The following GMDS variants were observed in gnomAD, a reference collection of about 807,000 sequenced individuals.
GMDS encodes the protein GDP-mannose 4,6-dehydratase.
A neutral mutation model predicts 49.9 loss-of-function variants in GMDS; 20 were observed. The observed-to-expected ratio is 0.40, with a 90% CI of 0.28 to 0.58. The LOEUF (loss-of-function observed/expected upper bound fraction) is 0.58. Ranked by LOEUF, GMDS falls within the 20% of genes least tolerant of loss-of-function variation. The pLI is 0.42. For missense variants in GMDS, 362 were observed against 481.4 expected, an observed-to-expected ratio of 0.75 and a Z score of 2.32; for synonymous variants, 177 against 178.6, an observed-to-expected ratio of 0.99 and a Z score of 0.07.
intron 4 of GMDS, among the ~76,000 whole-genome samples, chr6:1,962,666 G>C (rs1406149956): frequency 6.6e-6 from 1 of 151,814 alleles, no homozygotes; most frequent in Non-Finnish European, 1.5e-5. Flanking sequence ...ATGCTTATCA[G>C]CCATTTGTAT....
intron 7 of GMDS, among the ~76,000 whole-genome samples, chr6:1,764,095 A>T (rs79507370): frequency 1.4e-4 from 21 of 150,388 alleles, no homozygotes; most frequent in Admixed American, 1.1e-3. Context: ...AGGAGCGAAG[A>T]AAAAAAAAAG....
At chr6:2,036,068 T>C (rs1304116168) in intron 4 of GMDS, among the ~76,000 whole-genome samples, 1 of 152,170 alleles carries the variant, frequency 6.6e-6, no homozygotes, top group Non-Finnish European at 1.5e-5. Flanking sequence ...CAGCCGTCAT[T>C]TATTGCACCT....
At chr6:1,923,356 G>A (rs1761824589) in intron 7 of GMDS, among the ~76,000 whole-genome samples, 1 of 152,174 alleles carries the variant, frequency 6.6e-6, no homozygotes, top group Non-Finnish European at 1.5e-5. Flanking sequence ...TCCACGTGAC[G>A]AGGCAAAGGA....
chr6:1,670,556 G>A (rs1054088356), intron 9 of GMDS, among the ~76,000 whole-genome samples: 12 of 151,946 alleles, frequency 7.9e-5, no homozygotes, highest in African/African-American at 2.2e-4. Context: ...TATCTACACC[G>A]GGATAAGACA....
At chr6:2,011,072 G>A (rs1462977881) in intron 4 of GMDS, among the ~76,000 whole-genome samples, 1 of 151,974 alleles carries the variant, frequency 6.6e-6, no homozygotes, top group Non-Finnish European at 1.5e-5. Context: ...AAAAGACGGG[G>A]GAAAGGATCC....
chr6:1,664,512 C>T (rs1029089225), intron 9 of GMDS, among the ~76,000 whole-genome samples: 2 of 152,210 alleles, frequency 1.3e-5, no homozygotes, highest in African/African-American at 4.8e-5. Flanking sequence ...GTCCTGTTCT[C>T]CCTAGAGTCC....
At chr6:2,208,467 C>T (rs1350878662) in intron 1 of GMDS, among the ~76,000 whole-genome samples, 1 of 152,146 alleles carries the variant, frequency 6.6e-6, no homozygotes, top group African/African-American at 2.4e-5. Context: ...TATTTCTGAT[C>T]GCCAGTCCAT....
intron 1 of GMDS, among the ~76,000 whole-genome samples, chr6:2,161,689 A>T (rs1338577888): frequency 6.6e-6 from 1 of 152,260 alleles, no homozygotes; most frequent in Admixed American, 6.5e-5. Context: ...TCTAGGACAG[A>T]ACAAGGACCT....
chr6:1,794,743 G>A (rs903846827), intron 7 of GMDS, among the ~76,000 whole-genome samples: 4 of 152,088 alleles, frequency 2.6e-5, no homozygotes, highest in Non-Finnish European at 4.4e-5. Flanking sequence ...TGTACTATTC[G>A]GGACACGTCA....
intron 7 of GMDS, among the ~76,000 whole-genome samples, chr6:1,837,716 C>T (rs1232606906): frequency 6.6e-6 from 1 of 152,106 alleles, no homozygotes; most frequent in Non-Finnish European, 1.5e-5. Flanking sequence ...AGCGAAGGCA[C>T]GATATTCTTT....
At chr6:1,987,498 G>A (rs1310726871) in intron 4 of GMDS, among the ~76,000 whole-genome samples, 3 of 152,070 alleles carry the variant, frequency 2.0e-5, no homozygotes, top group African/African-American at 7.2e-5. Flanking sequence ...AACACCTAAG[G>A]CCCTGGAACT....
chr6:1,639,286 A>G (rs1156376913), intron 9 of GMDS, among the ~76,000 whole-genome samples: 1 of 152,212 alleles, frequency 6.6e-6, no homozygotes, highest in East Asian at 1.9e-4. Context: ...TGGAAGGATT[A>G]AGCTACCTTC....
chr6:1,741,944 T>C (rs1245348445), intron 8 of GMDS, among the ~76,000 whole-genome samples: 2 of 146,516 alleles, frequency 1.4e-5, no homozygotes, highest in Non-Finnish European at 3.0e-5. Context: ...TTTTTTGAGA[T>C]GGAGTCTTGC....
chr6:1,936,723 T>A (rs1345560958), intron 6 of GMDS, among the ~76,000 whole-genome samples: 1 of 152,086 alleles, frequency 6.6e-6, no homozygotes, highest in East Asian at 1.9e-4. Flanking sequence ...TCCCAACACT[T>A]TGGGAGGCTG....
chr6:2,187,746 T>C (rs560128791), intron 1 of GMDS, among the ~76,000 whole-genome samples: 3 of 152,210 alleles, frequency 2.0e-5, no homozygotes, highest in South Asian at 2.1e-4. Flanking sequence ...CAACAGACAA[T>C]AGAAAAATAG....
intron 4 of GMDS, among the ~76,000 whole-genome samples, chr6:1,988,620 T>C (rs1338574497): frequency 1.3e-5 from 2 of 152,204 alleles, no homozygotes; most frequent in African/African-American, 4.8e-5. Context: ...TGCCATGTCC[T>C]GTGTATTTAA....
At chr6:1,897,793 C>T (rs912386962) in intron 7 of GMDS, among the ~76,000 whole-genome samples, 26 of 152,214 alleles carry the variant, frequency 1.7e-4, no homozygotes, top group African/African-American at 5.1e-4. Context: ...ACTCATTAAC[C>T]AACCTCTTTT....
At chr6:1,938,738 T>A (rs111502685) in intron 6 of GMDS, among the ~76,000 whole-genome samples, 291 of 152,196 alleles carry the variant, frequency 1.9e-3, no homozygotes, top group African/African-American at 4.8e-3. Context: ...CTTTAGATAT[T>A]GCCTCTTTTC....
chr6:1,994,244 C>T (rs1433051106), intron 4 of GMDS, among the ~76,000 whole-genome samples: 1 of 152,138 alleles, frequency 6.6e-6, no homozygotes, highest in African/African-American at 2.4e-5. Context: ...CAACAAAACA[C>T]ACAGACACAA....
Sources: allele counts gnomAD v4.1 joint callset (sites outside exome capture counted in the v4.1 genomes callset), GRCh38; gene constraint gnomAD v4.1.1; transcripts MANE v1.5; gene names NCBI Gene and HGNC (gene_info 2026-07-23, HGNC 2026-07-21).